TOP1MT: variants seen among roughly 807,000 people sequenced by gnomAD.
The protein encoded by TOP1MT is DNA topoisomerase I, mitochondrial.
In TOP1MT, 80 loss-of-function variants were observed where a neutral mutation model predicts 73.9. The observed-to-expected ratio is 1.08, with a 90% CI of 0.90 to 1.30. TOP1MT has a LOEUF of 1.30. Ranked by LOEUF, TOP1MT falls within the 50% of genes most tolerant of loss-of-function variation. The probability of loss-of-function intolerance (pLI) is 0.00; values close to 1 mark genes in which losing one functional copy is unlikely to be tolerated. For missense variants in TOP1MT, 815 were observed against 808.0 expected (o/e 1.01, Z -0.10); for synonymous variants, 338 against 326.4 (o/e 1.04, Z -0.38).
intron 1 of TOP1MT, chr8:143,355,234 G>A (rs1294601904): frequency 1.3e-5 from 2 of 152,208 alleles, no homozygotes; most frequent in East Asian, 3.9e-4. Context: ...GCATTAAACA[G>A]CTCCTGCGTT....
At chr8:143,327,470 C>T (rs867691229) in intron 3 of TOP1MT, 8 of 158,940 alleles carry the variant, frequency 5.0e-5, no homozygotes, top group South Asian at 4.9e-4. Context: ...TGCTGTCAAA[C>T]GTGTCTCGCT....
chr8:143,309,604 A>G, intron 13 of TOP1MT, 61 bp from the exon 14 acceptor site: 2 of 1,604,922 alleles, frequency 1.2e-6, no homozygotes, highest in East Asian at 4.5e-5. Flanking sequence ...AGGCCAGGTC[A>G]GGGTGCTCGG....
At chr8:143,357,916 C>T (rs982861065), upstream of TOP1MT, among the ~76,000 whole-genome samples, 2 of 147,400 alleles carry the variant, frequency 1.4e-5, no homozygotes, top group African/African-American at 5.0e-5. Context: ...AGCGAAACTC[C>T]GTCTCAAAAA....
At chr8:143,315,581 C>T in intron 12 of TOP1MT, 146 bp downstream of exon 12, 1 of 640,874 alleles carries the variant, frequency 1.6e-6, no homozygotes, top group Non-Finnish European at 2.7e-6. Context: ...TTTCTTTTAT[C>T]TCTTTGTCTT....
At chr8:143,315,049 C>T (rs939713649) in intron 12 of TOP1MT, among the ~76,000 whole-genome samples, 4 of 152,086 alleles carry the variant, frequency 2.6e-5, no homozygotes, top group Non-Finnish European at 2.9e-5. Context: ...CATGGTCTAG[C>T]GGTAGCATCA....
Position 143,334,840 on chromosome 8 carries a change from G to T in TOP1MT, c.22C>A (p.Arg8=), listed in dbSNP as rs1219144440. MRVVRLL[R]LRAALTLLGE... is the part of the protein sequence containing the mutation. ...AGCAGCGTCAGAGCCGCCCGGAGCC[G>T]CAGCAGCCGCACCACGCGCATCTGC... Residue 8 remains arginine (R), a synonymous_variant, in exon 1 of 14, where the codon CGG becomes AGG. Transcript: ENST00000329245. The T allele has an allele frequency of 6.6e-7, 1 of 1,503,894 alleles. No homozygotes were observed. The highest frequency in any genetic ancestry group is 8.8e-7 in the Non-Finnish European group (1 of 1,141,924). 93.2% of individuals were successfully genotyped at this position (1,503,894 alleles called of 1,614,324 possible). A position where few individuals can be genotyped will look rare whatever the true frequency, so the allele number is the denominator to read the frequency against.
intron 10 of TOP1MT, 49 bp downstream of exon 10, chr8:143,317,674 C>T (rs758166192): frequency 6.9e-7 from 1 of 1,444,408 alleles, no homozygotes; most frequent in East Asian, 2.4e-5. Flanking sequence ...CGGTCTGGGG[C>T]AGGGGCCGTG....
Position 143,309,554 on chromosome 8 carries a change from C to T in TOP1MT, c.1704-11G>A, listed in dbSNP as rs768643467. 1.2e-6 allele frequency: 2 copies of T among 1,613,384 alleles called. No individual in the cohort carries two copies. The highest frequency in any genetic ancestry group is 2.2e-5 in the South Asian group (2 of 91,086). On this transcript the variant is annotated splice_polypyrimidine_tract_variant and intron_variant, in intron 13 of 13. Coordinates refer to ENST00000329245, the MANE Select transcript of TOP1MT (RefSeq NM_052963.3). ...CTGAACCGCTTGCACCTGCGGGAGG[C>T]AGCATCAGCCCAGGCAAGCAGGCAA...
intron 13 of TOP1MT, 79 bp from the exon 14 acceptor site, chr8:143,309,622 G>T: frequency 6.3e-7 from 1 of 1,593,834 alleles, no homozygotes; most frequent in African/African-American, 1.3e-5. Flanking sequence ...CGGCAAGGGC[G>T]AGCGTCCTCC....
In TOP1MT at chr8:143,326,336, C is replaced by T. The variant is rs142254384; in HGVS notation, c.369G>A (p.Ala123=). The T allele has an allele frequency of 1.3e-4, 203 of 1,613,988 alleles. No individual in the cohort carries two copies. In the African/African-American group the frequency reaches 2.3e-3, roughly 18 times the overall value. ...TCTTGATGACTTCCCTCTCTTCCAC[C>T]GCCATTTCCTGCAAAAACCACAGAC... ...NFFNDWRKEM[A]VEEREVIKSL... Residue 123 remains alanine (A), a synonymous_variant, in exon 4 of 14, where the codon GCG becomes GCA. Transcript: ENST00000329245.
At chr8:143,342,672 C>T (rs1450021218) in intron 2 of TOP1MT, among the ~76,000 whole-genome samples, 9 of 24,666 alleles carry the variant, frequency 3.6e-4, no homozygotes, top group South Asian at 3.1e-3. Flanking sequence ...GAGACAGTCT[C>T]GCTCTATTAT....
upstream of TOP1MT, among the ~76,000 whole-genome samples, chr8:143,345,716 G>A (rs374983593): frequency 1.3e-5 from 2 of 152,222 alleles, no homozygotes; most frequent in African/African-American, 4.8e-5. Context: ...AAGAGATAAA[G>A]TAATTCACAC....
chr8:143,322,885 C>T lies in TOP1MT; in HGVS notation c.960+1114G>A, dbSNP rs371322492. 4.8e-3 allele frequency among the ~76,000 whole-genome samples: 493 copies of T among 102,904 alleles called. 10 individuals carry two copies. The highest frequency in any genetic ancestry group is 5.8e-3 in the African/African-American group (124 of 21,474). 67.5% of individuals were successfully genotyped at this position (102,904 alleles called of 152,430 possible). A position where few individuals can be genotyped will look rare whatever the true frequency, so the allele number is the denominator to read the frequency against. ...ACGCACGCCACACGCACGCAACACA[C>T]GCACGCCACACGCACGCCACACACG... On this transcript the variant is annotated intron_variant, in intron 7 of 13. Coordinates refer to ENST00000329245, the MANE Select transcript of TOP1MT (RefSeq NM_052963.3).
At chr8:143,335,689 TGACACCAGGACCGTGGGAAGCAG>T (rs1212508029), upstream of TOP1MT, among the ~76,000 whole-genome samples, 2 of 152,240 alleles carry the variant, frequency 1.3e-5, no homozygotes, top group African/African-American at 4.8e-5. Flanking sequence ...GGTAAAACCC[TGACACCAGGACCGTGGGAAGCAG>T]ATGAATTCAC....
rs1211737252 is a variant in TOP1MT, at chr8:143,324,537, C to T, written c.764G>A (p.Ser255Asn). 6 of 1,613,824 alleles carry T rather than the reference C, an allele frequency of 3.7e-6. No homozygotes were observed. In the Admixed American group the frequency reaches 1.0e-4, roughly 27 times the overall value. The change falls in exon 6 of 14, where the codon AGC becomes AAC. Residue 255 changes from serine to asparagine, a missense_variant. Ser to Asn is a conservative substitution (Grantham distance 46, BLOSUM62 1). Transcript: ENST00000329245. ...GATGTACTTGATGGAGTTCTGAACG[C>T]TCTCGGTCCAAGCTGCCAGCCACGT... ...TVTWLAAWTE[S>N]VQNSIKYIML...
rs776474018 is a variant in TOP1MT at position 143,326,362 on chromosome 8, A to G, written c.361-18T>C. On this transcript the variant is annotated intron_variant, in intron 3 of 13. Transcript: ENST00000329245. ...GCCATTTCCTGCAAAAACCACAGACACGCGCTCTCACCATGTCTGAAGGAC... is the reference window on the plus strand; with the variant it reads ...GCCATTTCCTGCAAAAACCACAGACGCGCGCTCTCACCATGTCTGAAGGAC... The G allele has an allele frequency of 1.2e-6, 2 of 1,613,674 alleles. No individual in the cohort carries two copies. Among genetic ancestry groups the G allele is most frequent in the Middle Eastern group, 1.7e-4 (1 of 6,058 alleles).
chr8:143,317,145 C>A (rs920478936), intron 10 of TOP1MT, among the ~76,000 whole-genome samples: 2 of 152,276 alleles, frequency 1.3e-5, no homozygotes, highest in African/African-American at 4.8e-5. Context: ...GGGTGGGAGG[C>A]ACCCTCTGGA....
In TOP1MT at chr8:143,321,333, C is replaced by G; in HGVS notation, c.1014G>C (p.Val338=). The change falls in exon 8 of 14, where the codon GTG becomes GTC. Residue 338 remains valine (V), a synonymous_variant. Coordinates refer to ENST00000329245, the MANE Select transcript of TOP1MT (RefSeq NM_052963.3). The part of the protein sequence containing the change: ...EKEDGEAADT[V]GCCSLRVEHV... ...GCTCCACGCGGAGGGAACAGCAGCC[C>G]ACGGTGTCGGCCGCCTCACCGTCCT... is the stretch of plus-strand genomic sequence containing the variant. 5 of 1,603,808 alleles carry G rather than the reference C, an allele frequency of 3.1e-6. No individual in the cohort carries two copies. Among genetic ancestry groups the G allele is most frequent in the Non-Finnish European group, 4.3e-6 (5 of 1,172,264 alleles).
intron 1 of TOP1MT, among the ~76,000 whole-genome samples, chr8:143,354,645 G>A (rs1227278251): frequency 6.6e-6 from 1 of 152,086 alleles, no homozygotes; most frequent in Non-Finnish European, 1.5e-5. Flanking sequence ...CTGGGAGGCG[G>A]AGGTTGCGGT....
Sources: allele counts gnomAD v4.1 joint callset (sites outside exome capture counted in the v4.1 genomes callset), GRCh38; gene constraint gnomAD v4.1.1; transcripts MANE v1.5; gene names NCBI Gene and HGNC (gene_info 2026-07-23, HGNC 2026-07-21).